The following PRKN variants were observed in gnomAD, a reference collection of about 807,000 sequenced individuals.
PRKN encodes the protein E3 ubiquitin-protein ligase parkin.
Under a neutral mutation model 59.5 loss-of-function variants are expected in PRKN, and 56 were observed. The observed-to-expected ratio is 0.94, with a 90% CI of 0.76 to 1.18. The LOEUF (loss-of-function observed/expected upper bound fraction) is 1.18, where lower values mean the gene tolerates loss of function less well. PRKN is among the 50% of genes most tolerant of loss of function. The pLI is 0.00. For synonymous variants in PRKN, 250 were observed against 222.1 expected (o/e 1.13, Z -1.12); for missense variants, 657 against 596.4 (o/e 1.10, Z -1.06).
chr6:161,439,808 A>T (rs1789111487), intron 9 of PRKN, among the ~76,000 whole-genome samples: 1 of 152,172 alleles, frequency 6.6e-6, no homozygotes, highest in Admixed American at 6.5e-5. Context: ...GAAAGCTACC[A>T]CATCATTGAG....
At chr6:161,782,560 A>G (rs138875683) in intron 7 of PRKN, among the ~76,000 whole-genome samples, 2 of 152,280 alleles carry the variant, frequency 1.3e-5, no homozygotes, top group East Asian at 3.9e-4. Context: ...CTTTGGAATA[A>G]TGGAAATATT....
intron 2 of PRKN, among the ~76,000 whole-genome samples, chr6:162,284,146 CTAATGTAAGAG>C (rs1223306570): frequency 6.7e-6 from 1 of 149,478 alleles, no homozygotes; most frequent in Admixed American, 6.7e-5. Flanking sequence ...CCAGGATCCA[CTAATGTAAGAG>C]TAATTTCAGA....
chr6:161,671,111 C>A lies in PRKN; in HGVS notation c.872-101695G>T, dbSNP rs76406351. Among the ~76,000 whole-genome samples the A allele has an allele frequency of 4.7e-3, 717 of 152,232 alleles. 17 individuals carry two copies. In the East Asian group the frequency reaches 0.06, roughly 13 times the overall value. On this transcript the variant is annotated intron_variant, in intron 7 of 11. Coordinates refer to ENST00000366898, the MANE Select transcript of PRKN (RefSeq NM_004562.3). Reference sequence around the variant, plus strand: ...GACAACATGAATCTAAAATCTAATTCTGTGAGCAGGACTCTCTGAGCCCGG... The same window carrying A: ...GACAACATGAATCTAAAATCTAATTATGTGAGCAGGACTCTCTGAGCCCGG...
intron 1 of PRKN, among the ~76,000 whole-genome samples, chr6:162,608,811 G>A (rs10806760): frequency 6.6e-6 from 1 of 151,932 alleles, no homozygotes; most frequent in East Asian, 2.0e-4. Flanking sequence ...GAAAAATCAT[G>A]CAAAACATGT....
At chr6:162,281,079 C>T (rs1049930629) in intron 2 of PRKN, among the ~76,000 whole-genome samples, 1 of 152,064 alleles carries the variant, frequency 6.6e-6, no homozygotes, top group Admixed American at 6.6e-5. Context: ...GCATAGTATT[C>T]CATGGTGTAC....
At chr6:161,798,686 G>C (rs1227341495) in intron 6 of PRKN, among the ~76,000 whole-genome samples, 1 of 152,178 alleles carries the variant, frequency 6.6e-6, no homozygotes, top group Non-Finnish European at 1.5e-5. Context: ...TCTTGATCCA[G>C]AGTATTCCAG....
chr6:161,949,063 C>T (rs552744680), intron 6 of PRKN, among the ~76,000 whole-genome samples: 12 of 152,326 alleles, frequency 7.9e-5, no homozygotes, highest in Non-Finnish European at 1.5e-4. Context: ...AACACGTGGG[C>T]TCCAGGCTGC....
chr6:162,145,725 A>G (rs1781996355), intron 4 of PRKN, among the ~76,000 whole-genome samples: 1 of 152,182 alleles, frequency 6.6e-6, no homozygotes, highest in Non-Finnish European at 1.5e-5. Flanking sequence ...TCATGTAAAT[A>G]CAGTGTTGGC....
At chr6:161,732,548 TTAGA>T (rs2128188753) in intron 7 of PRKN, among the ~76,000 whole-genome samples, 1 of 152,124 alleles carries the variant, frequency 6.6e-6, no homozygotes, top group East Asian at 1.9e-4. Context: ...AAAACTTTTA[TTAGA>T]TAAACAAACA....
Position 161,548,834 on chromosome 6 carries a change from G to A in PRKN, c.1083+20C>T. The A allele has an allele frequency of 6.2e-7, 1 of 1,612,328 alleles. No homozygotes were observed. On this transcript the variant is annotated intron_variant, in intron 9 of 11. Coordinates refer to ENST00000366898, the MANE Select transcript of PRKN (RefSeq NM_004562.3). The surrounding 1 kb of genome is among the most constrained non-coding windows in gnomAD (Gnocchi z 4.2). ...ACAAGGACAGGAACACACCGCTCCA[G>A]GGGTGTGGGCAGTACTCACCCCACA...
chr6:162,034,312 T>C (rs1783759845), intron 5 of PRKN, among the ~76,000 whole-genome samples: 1 of 152,048 alleles, frequency 6.6e-6, no homozygotes. Context: ...GATGCTATTA[T>C]TATTCCCTAT....
At chr6:161,519,431 T>TG (rs5881414) in intron 9 of PRKN, among the ~76,000 whole-genome samples, 125,243 of 152,082 alleles carry the variant, frequency 0.82, 51,888 homozygotes, top group Middle Eastern at 0.87. Context: ...GGTCTAGCAA[T>TG]TTGATTAGTA....
intron 7 of PRKN, among the ~76,000 whole-genome samples, chr6:161,745,706 C>A (rs1788386486): frequency 6.6e-6 from 1 of 151,916 alleles, no homozygotes; most frequent in Admixed American, 6.6e-5. Flanking sequence ...GAGAGGAGAC[C>A]CTGGGAAGGC....
rs937703311 is a variant in PRKN, at chr6:161,361,497, ATTTCAGGGGTTACCAAAC to A, written c.1168-1310_1168-1293del. Among the ~76,000 whole-genome samples, 3 of 152,118 alleles carry A rather than the reference ATTTCAGGGGTTACCAAAC, an allele frequency of 2.0e-5. No individual in the cohort carries two copies. Among genetic ancestry groups the A allele is most frequent in the Non-Finnish European group, 4.4e-5 (3 of 68,006 alleles). On this transcript the variant is annotated intron_variant, in intron 10 of 11. Coordinates refer to ENST00000366898, the MANE Select transcript of PRKN (RefSeq NM_004562.3). This position sits in a 1 kb window ranked among gnomAD's most constrained non-coding sequence, Gnocchi z 5.2. The stretch of plus-strand genomic sequence containing the variant: ...GCACTAAACTTTCAGGGGTTACCAA[ATTTCAGGGGTTACCAAAC>A]TTTCAGGGGTTACCACTAAACTTTC...
chr6:161,948,089 G>A (rs1430262222), intron 6 of PRKN, among the ~76,000 whole-genome samples: 8 of 151,916 alleles, frequency 5.3e-5, no homozygotes, highest in Non-Finnish European at 1.2e-4. Context: ...AGGTTCAAGC[G>A]CTTCTCCTGC....
At chr6:161,740,599 C>T (rs918964689) in intron 7 of PRKN, among the ~76,000 whole-genome samples, 1 of 152,206 alleles carries the variant, frequency 6.6e-6, no homozygotes, top group African/African-American at 2.4e-5. Context: ...TTGATGAACA[C>T]ATTTAGAAAC....
chr6:161,562,807 T>G lies in PRKN; in HGVS notation c.933+6548A>C, dbSNP rs927028441. 1.3e-5 allele frequency among the ~76,000 whole-genome samples: 2 copies of G among 152,222 alleles called. No homozygotes were observed. The highest frequency in any genetic ancestry group is 2.9e-5 in the Non-Finnish European group (2 of 68,036). ...ACTTCTTTTTGTCTCCGCTGCCAAC[T>G]GTCTTAATCCAGAGCCTCTCCATAT... is the stretch of plus-strand genomic sequence containing the variant. On this transcript the variant is annotated intron_variant, in intron 8 of 11. Coordinates refer to ENST00000366898, the MANE Select transcript of PRKN (RefSeq NM_004562.3). This position sits in a 1 kb window ranked among gnomAD's most constrained non-coding sequence, Gnocchi z 4.3.
intron 4 of PRKN, among the ~76,000 whole-genome samples, chr6:162,078,250 A>G (rs1778916992): frequency 6.6e-6 from 1 of 152,048 alleles, no homozygotes; most frequent in South Asian, 2.1e-4. Context: ...TCATGACTTT[A>G]GTGCATGGAT....
Position 162,608,579 on chromosome 6 carries a change from G to A in PRKN, c.7+119083C>T, listed in dbSNP as rs1167893295. ...CTCAAATGATCATGTTTTGCAAAAG[G>A]TTAAAGGACAAATAGTCAAGAAGCA... On this transcript the variant is annotated intron_variant, in intron 1 of 11. Transcript: ENST00000366898. Among the ~76,000 whole-genome samples, 39 of 152,174 alleles carry A rather than the reference G, an allele frequency of 2.6e-4. 1 individual carries two copies. Among genetic ancestry groups the A allele is most frequent in the Admixed American group, 2.6e-3 (39 of 15,276 alleles).
Sources: gnomAD v4.1 joint callset for allele counts (sites outside exome capture counted in the v4.1 genomes callset) on GRCh38, gnomAD v4.1.1 for gene constraint, Gnocchi (gnomAD v3.1) non-coding constraint, MANE v1.5 for transcripts, NCBI Gene and HGNC (gene_info 2026-07-23, HGNC 2026-07-21) for gene names.